Variants in UBR3 observed in about 807,000 individuals in gnomAD.
The protein encoded by UBR3 is E3 ubiquitin-protein ligase UBR3.
UBR3 carries 85 observed loss-of-function variants against 243.2 expected under a neutral mutation model. The observed-to-expected ratio is 0.35, with a 90% CI of 0.29 to 0.42. UBR3 has a LOEUF of 0.42. UBR3 is among the 10% of genes least tolerant of loss of function. UBR3 has a pLI of 1.00. For missense variants in UBR3, 1,686 were observed against 2,300.8 expected, an observed-to-expected ratio of 0.73 and a Z score of 5.47; for synonymous variants, 748 against 799.8, an observed-to-expected ratio of 0.94 and a Z score of 1.09.
intron 23 of UBR3, among the ~76,000 whole-genome samples, chr2:169,956,098 A>G: frequency 6.6e-6 from 1 of 151,910 alleles, no homozygotes; most frequent in Non-Finnish European, 1.5e-5. Context: ...GATACTTTCA[A>G]TTCCAATCCA....
In UBR3 at chr2:169,905,211, TTCTC is replaced by T. The variant is rs1437813553; in HGVS notation, c.1564_1567del (p.Ser522IlefsTer15). On this transcript the variant is annotated frameshift_variant, in exon 9 of 39. Coordinates refer to ENST00000272793, the MANE Select transcript of UBR3 (RefSeq NM_172070.4). LOFTEE classifies it high-confidence loss of function. ...TTGTTAGTGATTTTATTAATATTCTTTCTCATCAAAGTGTGGCCAAGAGATTTTT... is the reference window on the plus strand; with the variant it reads ...TTGTTAGTGATTTTATTAATATTCTTATCAAAGTGTGGCCAAGAGATTTTT... 6.5e-7 allele frequency: 1 copy of T among 1,542,788 alleles called. No individual in the cohort carries two copies. The highest frequency in any genetic ancestry group is 8.7e-7 in the Non-Finnish European group (1 of 1,142,938).
intron 1 of UBR3, among the ~76,000 whole-genome samples, chr2:169,856,124 C>G (rs547649971): frequency 6.8e-6 from 1 of 147,072 alleles, no homozygotes; most frequent in African/African-American, 2.6e-5. Flanking sequence ...ACGGGGGCAG[C>G]CGGTCAGAGA....
In UBR3 at chr2:170,054,740, C is replaced by A. The variant is rs188701952; in HGVS notation, c.4661-720C>A. 1.4e-4 allele frequency among the ~76,000 whole-genome samples: 22 copies of A among 152,128 alleles called. No individual in the cohort carries two copies. The Middle Eastern group carries it at 0.01, about 71-fold the overall frequency. The stretch of plus-strand genomic sequence containing the variant: ...TATATCATATTCCATATAATACTAT[C>A]CTTATTAAGATGTGCATCATATAGG... On this transcript the variant is annotated intron_variant, in intron 32 of 38. Coordinates refer to ENST00000272793, the MANE Select transcript of UBR3 (RefSeq NM_172070.4).
chr2:169,927,279 T>G, intron 16 of UBR3, 41 bp from the exon 17 acceptor site: 2 of 1,490,520 alleles, frequency 1.3e-6, no homozygotes, highest in Non-Finnish European at 1.8e-6. Flanking sequence ...TTATAATTTA[T>G]GTATACTCAG....
chr2:169,938,016 A>G (rs754412707), intron 19 of UBR3, among the ~76,000 whole-genome samples: 3 of 152,092 alleles, frequency 2.0e-5, no homozygotes, highest in African/African-American at 4.8e-5. Flanking sequence ...CATATCCTCA[A>G]TTGTACTTGC....
rs575814312 is a variant in UBR3 at position 169,859,081 on chromosome 2, CTTTT to C, written c.546-13136_546-13133del. 3.3e-3 allele frequency among the ~76,000 whole-genome samples: 327 copies of C among 99,690 alleles called. 1 individual carries two copies. The highest frequency in any genetic ancestry group is 0.014 in the African/African-American group (315 of 23,258). 65.4% of individuals were successfully genotyped at this position (99,690 alleles called of 152,430 possible). A position where few individuals can be genotyped will look rare whatever the true frequency, so the allele number is the denominator to read the frequency against. On this transcript the variant is annotated intron_variant, in intron 1 of 38. Coordinates refer to ENST00000272793, the MANE Select transcript of UBR3 (RefSeq NM_172070.4). ...TTAGTTGTCATGTGCCTCACCATGG[CTTTT>C]TTTTTTTTTTTTTTTTTTGAGATGG... is the stretch of plus-strand genomic sequence containing the variant.
At chr2:170,059,157 G>A (rs907538486) in intron 33 of UBR3, among the ~76,000 whole-genome samples, 37 of 151,936 alleles carry the variant, frequency 2.4e-4, no homozygotes, top group Non-Finnish European at 1.2e-4. Context: ...TTAATACTTT[G>A]TATTGTGAAG....
At chr2:169,873,224 G>A (rs995754789) in intron 2 of UBR3, among the ~76,000 whole-genome samples, 1 of 152,030 alleles carries the variant, frequency 6.6e-6, no homozygotes, top group Non-Finnish European at 1.5e-5. Flanking sequence ...CATCCTTAAA[G>A]TGTAGGGGAA....
rs764709174 is a variant in UBR3, at chr2:170,007,178, G to A, written c.4218G>A (p.Pro1406=). Residue 1406 remains proline, a synonymous_variant, in exon 28 of 39, where the codon CCG becomes CCA. Transcript: ENST00000272793. The part of the protein sequence containing the change: ...IKEVEELQGR[P]GAFPSETNLS... ...AAGTGGAGGAGCTGCAGGGACGACC[G>A]GGAGCTTTCCCAGTAAGCATCAGTG... The A allele has an allele frequency of 3.1e-6, 5 of 1,599,928 alleles. No individual in the cohort carries two copies. The highest frequency in any genetic ancestry group is 3.5e-5 in the Admixed American group (2 of 57,824).
chr2:169,899,315 G>A (rs1460604390), intron 8 of UBR3, among the ~76,000 whole-genome samples: 2 of 152,100 alleles, frequency 1.3e-5, no homozygotes, highest in Non-Finnish European at 2.9e-5. Flanking sequence ...TTTAAAAGCT[G>A]CTTTATGTTT....
At chr2:169,990,494 GAAAGT>G (rs1178505742) in intron 25 of UBR3, among the ~76,000 whole-genome samples, 12 of 151,982 alleles carry the variant, frequency 7.9e-5, no homozygotes, top group Non-Finnish European at 1.8e-4. Flanking sequence ...TATAATAAAA[GAAAGT>G]AAATCCGGAA....
intron 38 of UBR3, 35 bp downstream of exon 38, chr2:170,080,719 T>C (rs1213561724): frequency 6.3e-7 from 1 of 1,596,574 alleles, no homozygotes; most frequent in Non-Finnish European, 8.5e-7. Flanking sequence ...GGTGTTTTAT[T>C]GAAATTTGGT....
At chr2:170,027,509 T>C (rs1182526361) in intron 30 of UBR3, among the ~76,000 whole-genome samples, 1 of 151,702 alleles carries the variant, frequency 6.6e-6, no homozygotes, top group Middle Eastern at 3.2e-3. Context: ...TGGCTGTGGT[T>C]TCAATGCAAA....
intron 8 of UBR3, among the ~76,000 whole-genome samples, chr2:169,900,056 C>T (rs1383394186): frequency 1.3e-5 from 2 of 152,156 alleles, no homozygotes; most frequent in African/African-American, 4.8e-5. Flanking sequence ...GTTCTAGATC[C>T]TTGAGGAATC....
intron 31 of UBR3, among the ~76,000 whole-genome samples, chr2:170,035,465 T>G (rs543165994): frequency 6.6e-6 from 1 of 152,112 alleles, no homozygotes; most frequent in African/African-American, 2.4e-5. Context: ...TAAAGTCAGT[T>G]GACTATAATT....
chr2:170,041,017 T>G, intron 32 of UBR3, 32 bp downstream of exon 32: 1 of 1,564,902 alleles, frequency 6.4e-7, no homozygotes, highest in Non-Finnish European at 8.8e-7. Flanking sequence ...TCTTTGATTA[T>G]ATACTATGTA....
intron 24 of UBR3, among the ~76,000 whole-genome samples, chr2:169,976,895 T>C (rs1178850306): frequency 1.3e-5 from 2 of 152,166 alleles, no homozygotes; most frequent in Admixed American, 1.3e-4. Flanking sequence ...ATAAATCTTA[T>C]AGGCTTTTTT....
Position 169,834,990 on chromosome 2 carries a change from G to A in UBR3, c.545+6938G>A, listed in dbSNP as rs77407965. The stretch of plus-strand genomic sequence containing the variant: ...GTCAAATTCATACAGACAGAAAGTA[G>A]AATAGTGATTATCAGAGGCCAAGGG... On this transcript the variant is annotated intron_variant, in intron 1 of 38. Transcript: ENST00000272793. Among the ~76,000 whole-genome samples the A allele has an allele frequency of 3.7e-3, 561 of 152,274 alleles. 1 individual carries two copies. Among genetic ancestry groups the A allele is most frequent in the Non-Finnish European group, 6.8e-3 (463 of 68,028 alleles).
At chr2:169,895,996 TAAG>T (rs1394099808) in intron 7 of UBR3, among the ~76,000 whole-genome samples, 4 of 151,032 alleles carry the variant, frequency 2.6e-5, no homozygotes, top group African/African-American at 9.7e-5. Flanking sequence ...GTAAAGGAAA[TAAG>T]AGTAAAAATA....
Sources: gnomAD v4.1 joint callset for allele counts (sites outside exome capture counted in the v4.1 genomes callset) on GRCh38, gnomAD v4.1.1 for gene constraint, MANE v1.5 for transcripts, NCBI Gene and HGNC (gene_info 2026-07-23, HGNC 2026-07-21) for gene names.